The following DOK6 variants were observed in gnomAD, a reference collection of about 807,000 sequenced individuals.
DOK6 encodes docking protein 6.
Under a neutral mutation model 44.0 loss-of-function variants are expected in DOK6, and 22 were observed. The observed-to-expected ratio is 0.50, with a 90% CI of 0.36 to 0.71. The LOEUF is 0.71. DOK6 is among the 30% of genes least tolerant of loss of function. The pLI, the probability that DOK6 is intolerant of heterozygous loss-of-function variation, is 0.00. For missense variants in DOK6, 340 were observed against 416.4 expected, an observed-to-expected ratio of 0.82 and a Z score of 1.60; for synonymous variants, 166 against 145.5, an observed-to-expected ratio of 1.14 and a Z score of -1.01.
intron 5 of DOK6, among the ~76,000 whole-genome samples, chr18:69,708,763 G>A (rs1009217124): frequency 6.7e-5 from 9 of 135,104 alleles, no homozygotes; most frequent in African/African-American, 2.5e-4. Context: ...TAGCCTGGGT[G>A]ACAGGGCAAA....
Position 69,401,041 on chromosome 18 carries a change from C to G in DOK6, c.-204C>G, listed in dbSNP as rs994378380. On this transcript the variant is annotated 5_prime_UTR_variant, in exon 1 of 8. Transcript: ENST00000382713. ...GAACGCGGAGGGCTGGCGCGGCTCG[C>G]GGCGCCGGGCCCCGTTCCCCGTCCG... 5 of 206,994 alleles carry G rather than the reference C, an allele frequency of 2.4e-5. No individual in the cohort carries two copies. The highest frequency in any genetic ancestry group is 1.2e-4 in the African/African-American group (5 of 42,262). The allele number at this position is 206,994 out of a possible 1,614,324, so 12.8% of individuals were successfully genotyped here. A position where few individuals can be genotyped will look rare whatever the true frequency, so the allele number is the denominator to read the frequency against.
intron 5 of DOK6, among the ~76,000 whole-genome samples, chr18:69,727,076 C>T (rs1978312704): frequency 6.6e-6 from 1 of 152,124 alleles, no homozygotes; most frequent in Non-Finnish European, 1.5e-5. Flanking sequence ...CCAGACTGAT[C>T]TCGAACTACT....
chr18:69,737,691 T>G (rs945988181), intron 5 of DOK6, among the ~76,000 whole-genome samples: 5 of 152,340 alleles, frequency 3.3e-5, no homozygotes, highest in South Asian at 2.1e-4. Context: ...AGGATGAAGT[T>G]TACAGTAGTT....
intron 1 of DOK6, among the ~76,000 whole-genome samples, chr18:69,487,634 C>T (rs145427886): frequency 1.9e-3 from 288 of 152,238 alleles, no homozygotes; most frequent in African/African-American, 6.4e-3. Context: ...AGAAGTTATG[C>T]AAGGCAATTT....
chr18:69,680,429 A>G (rs1599259679), intron 4 of DOK6, among the ~76,000 whole-genome samples: 1 of 152,244 alleles, frequency 6.6e-6, no homozygotes, highest in African/African-American at 2.4e-5. Context: ...AAGAACTTCC[A>G]TAACTTTTGA....
chr18:69,525,061 A>T (rs916738235), intron 1 of DOK6, among the ~76,000 whole-genome samples: 1 of 151,902 alleles, frequency 6.6e-6, no homozygotes, highest in African/African-American at 2.4e-5. Flanking sequence ...AATCAATATT[A>T]TATTTCTAAT....
At chr18:69,776,814 G>A (rs147807858) in intron 7 of DOK6, among the ~76,000 whole-genome samples, 556 of 151,996 alleles carry the variant, frequency 3.7e-3, no homozygotes, top group Middle Eastern at 0.017. Context: ...TCATCAAGAG[G>A]TATCAATATA....
chr18:69,470,001 T>C (rs1026504664), intron 1 of DOK6: 12 of 168,950 alleles, frequency 7.1e-5, no homozygotes, highest in Non-Finnish European at 7.8e-5. Flanking sequence ...TATCCAGCCT[T>C]AGCGCGCACC....
chr18:69,609,839 A>C (rs2144629736), intron 3 of DOK6, among the ~76,000 whole-genome samples: 1 of 152,364 alleles, frequency 6.6e-6, no homozygotes, highest in East Asian at 1.9e-4. Context: ...AGTATTATTC[A>C]ATCTTTAAAA....
intron 3 of DOK6, among the ~76,000 whole-genome samples, chr18:69,614,741 G>A (rs1984245389): frequency 6.6e-6 from 1 of 151,442 alleles, no homozygotes; most frequent in Non-Finnish European, 1.5e-5. Flanking sequence ...TAGGTGAATG[G>A]AGCCTACTGT....
intron 7 of DOK6, among the ~76,000 whole-genome samples, chr18:69,796,574 C>T (rs1365355088): frequency 6.6e-6 from 1 of 152,104 alleles, no homozygotes; most frequent in African/African-American, 2.4e-5. Flanking sequence ...CAAAACATAG[C>T]ACACATCAAT....
At chr18:69,477,622 G>A (rs1477339638) in intron 1 of DOK6, among the ~76,000 whole-genome samples, 2 of 152,008 alleles carry the variant, frequency 1.3e-5, no homozygotes, top group Non-Finnish European at 2.9e-5. Flanking sequence ...TTTAGTACAG[G>A]CTATTCTATG....
chr18:69,638,390 G>A (rs938722780), intron 3 of DOK6, among the ~76,000 whole-genome samples: 1 of 152,066 alleles, frequency 6.6e-6, no homozygotes, highest in Admixed American at 6.5e-5. Flanking sequence ...TTCTGATTGA[G>A]GATAAGGCCT....
intron 1 of DOK6, among the ~76,000 whole-genome samples, chr18:69,457,864 C>T (rs1227182798): frequency 1.3e-5 from 2 of 152,138 alleles, no homozygotes; most frequent in Non-Finnish European, 2.9e-5. Context: ...AATTCACATG[C>T]CAGGCGTGGT....
At chr18:69,670,078 ATATTTATT>A (rs150903955) in intron 3 of DOK6, among the ~76,000 whole-genome samples, 8 of 152,058 alleles carry the variant, frequency 5.3e-5, no homozygotes, top group East Asian at 3.8e-4. Flanking sequence ...TTTTTTGAAC[ATATTTATT>A]TATTTATTTA....
At chr18:69,405,722 G>A (rs548666598) in intron 1 of DOK6, among the ~76,000 whole-genome samples, 59 of 152,240 alleles carry the variant, frequency 3.9e-4, no homozygotes, top group Middle Eastern at 3.4e-3. Context: ...AGTTTGTAAA[G>A]AGAGATTATA....
intron 7 of DOK6, among the ~76,000 whole-genome samples, chr18:69,835,472 C>A (rs5010938): frequency 0.81 from 113,262 of 140,202 alleles, 45,098 homozygotes; most frequent in East Asian, 0.97. Context: ...CTCAAAAAAA[C>A]AACAACAACA....
intron 4 of DOK6, among the ~76,000 whole-genome samples, chr18:69,684,365 T>C (rs925835160): frequency 1.3e-5 from 2 of 152,320 alleles, no homozygotes; most frequent in South Asian, 4.1e-4. Context: ...CATGTCTAAC[T>C]GTACTGTTAT....
intron 4 of DOK6, among the ~76,000 whole-genome samples, chr18:69,687,519 TAAC>T (rs1986178346): frequency 6.6e-6 from 1 of 152,030 alleles, no homozygotes; most frequent in South Asian, 2.1e-4. Context: ...CCATCTTTAC[TAAC>T]AACACAAAAA....
Sources: allele counts gnomAD v4.1 joint callset (sites outside exome capture counted in the v4.1 genomes callset), GRCh38; gene constraint gnomAD v4.1.1; transcripts MANE v1.5; gene names NCBI Gene and HGNC (gene_info 2026-07-23, HGNC 2026-07-21).